Variants in EFEMP1 observed in about 807,000 individuals in gnomAD.
EFEMP1 encodes the protein EGF-like fibulin extracellular matrix protein 1, also known as EGF-containing fibulin-like extracellular matrix protein 1.
EFEMP1 carries 18 observed loss-of-function variants against 65.7 expected under a neutral mutation model. The observed-to-expected ratio is 0.27, with a 90% CI of 0.19 to 0.41. EFEMP1 has a LOEUF of 0.41. Among genes scored for constraint, EFEMP1 ranks in the 10% least tolerant of loss-of-function variants. The probability of loss-of-function intolerance (pLI) is 1.00; values close to 1 mark genes in which losing one functional copy is unlikely to be tolerated. For missense variants in EFEMP1, 469 were observed against 624.8 expected (o/e 0.75, Z 2.66); for synonymous variants, 237 against 219.7 (o/e 1.08, Z -0.70).
At position 55,918,200 on chromosome 2, in the gene EFEMP1, GT is replaced by G; in HGVS notation, c.130+18del. ...GACAGAAGGCAATGATCACATGGAA[GT>G]CTTTGAAGCTGGCTCACCTTTGCAT... On this transcript the variant is annotated intron_variant, in intron 4 of 11. Coordinates refer to ENST00000355426, the MANE Select transcript of EFEMP1 (RefSeq NM_001039348.3). 7 of 1,614,156 alleles carry G rather than the reference GT, an allele frequency of 4.3e-6. No homozygotes were observed. In the South Asian group the frequency reaches 5.5e-5, roughly 13 times the overall value.
rs188698134 is a variant in EFEMP1 at position 55,866,566 on chromosome 2, G to A, written c.*507C>T. 1.4e-3 allele frequency: 224 copies of A among 156,724 alleles called. No individual in the cohort carries two copies. The highest frequency in any genetic ancestry group is 4.9e-3 in the African/African-American group (204 of 41,570). The allele number at this position is 156,724 out of a possible 1,614,324, so 9.7% of individuals were successfully genotyped here. On this transcript the variant is annotated 3_prime_UTR_variant, in exon 12 of 12. Coordinates refer to ENST00000355426, the MANE Select transcript of EFEMP1 (RefSeq NM_001039348.3). ...TATAATAAACAACCACCTTTAGGCTGGATATGAAAATAAAAACCAACACAA... is the reference window on the plus strand; with the variant it reads ...TATAATAAACAACCACCTTTAGGCTAGATATGAAAATAAAAACCAACACAA...
At position 55,870,645 on chromosome 2, in the gene EFEMP1, C is replaced by T. The variant is rs1668769009; in HGVS notation, c.1320+75G>A. On this transcript the variant is annotated intron_variant, in intron 11 of 11. Transcript: ENST00000355426. The surrounding 1 kb of genome is among the most constrained non-coding windows in gnomAD (Gnocchi z 5.8). ...TTTCCTTCCACATGTGGATACCACA[C>T]AACAACAACAACAACAACAACAACA... The T allele has an allele frequency of 4.5e-6, 5 of 1,119,660 alleles. No individual in the cohort carries two copies. The East Asian group carries it at 1.9e-4, about 42-fold the overall frequency. 69.4% of individuals were successfully genotyped at this position (1,119,660 alleles called of 1,614,324 possible). A position where few individuals can be genotyped will look rare whatever the true frequency, so the allele number is the denominator to read the frequency against.
chr2:55,876,363 A>G (rs1015961157), intron 8 of EFEMP1, among the ~76,000 whole-genome samples: 1 of 152,140 alleles, frequency 6.6e-6, no homozygotes. Flanking sequence ...TGGATAACAC[A>G]CTGAGACGCA....
rs961636605 is a variant in EFEMP1 at position 55,870,379 on chromosome 2, C to T, written c.1320+341G>A. Among the ~76,000 whole-genome samples the T allele has an allele frequency of 4.6e-4, 43 of 93,278 alleles. 1 individual carries two copies. In the South Asian group the frequency reaches 4.8e-3, roughly 10 times the overall value. The allele number at this position is 93,278 out of a possible 152,430, so 61.2% of individuals were successfully genotyped here. A position where few individuals can be genotyped will look rare whatever the true frequency, so the allele number is the denominator to read the frequency against. On this transcript the variant is annotated intron_variant, in intron 11 of 11. Coordinates refer to ENST00000355426, the MANE Select transcript of EFEMP1 (RefSeq NM_001039348.3). This position sits in a 1 kb window ranked among gnomAD's most constrained non-coding sequence, Gnocchi z 5.8. ...GGGGTATGTTGGGTGGGGGCAGAGG[C>T]GGGGGGATGGGAGGCTTGTATTTTC... is the stretch of plus-strand genomic sequence containing the variant.
Position 55,867,299 on chromosome 2 carries a change from G to T in EFEMP1, c.1321-65C>A. 1 of 1,538,818 alleles carries T rather than the reference G, an allele frequency of 6.5e-7. No individual in the cohort carries two copies. Among genetic ancestry groups the T allele is most frequent in the Non-Finnish European group, 8.9e-7 (1 of 1,127,774 alleles). On this transcript the variant is annotated intron_variant, in intron 11 of 11. Coordinates refer to ENST00000355426, the MANE Select transcript of EFEMP1 (RefSeq NM_001039348.3). The surrounding 1 kb of genome is among the most constrained non-coding windows in gnomAD (Gnocchi z 4.3). ...TCTTGGATTGGAGTTTCTATGCTTT[G>T]TTAGTATACCTCCTATAAGAATTAG...
intron 8 of EFEMP1, among the ~76,000 whole-genome samples, 175 bp downstream of exon 8, chr2:55,876,448 T>C (rs527404449): frequency 6.6e-6 from 1 of 152,220 alleles, no homozygotes; most frequent in African/African-American, 2.4e-5. Context: ...TTTCTTTTCC[T>C]TTTTCTTGGT....
chr2:55,874,840 T>C (rs1385689512), intron 9 of EFEMP1, 106 bp downstream of exon 9: 4 of 1,258,350 alleles, frequency 3.2e-6, no homozygotes, highest in East Asian at 2.8e-5. Context: ...AAATTGTATA[T>C]TGAAAGTGGG....
At chr2:55,895,519 T>C (rs1669789894) in intron 5 of EFEMP1, among the ~76,000 whole-genome samples, 1 of 151,834 alleles carries the variant, frequency 6.6e-6, no homozygotes, top group Non-Finnish European at 1.5e-5. Context: ...AGGTGACCTT[T>C]AGGACAGCTG....
At chr2:55,878,505 A>T (rs1389880037) in intron 6 of EFEMP1, among the ~76,000 whole-genome samples, 1 of 152,164 alleles carries the variant, frequency 6.6e-6, no homozygotes, top group Non-Finnish European at 1.5e-5. Context: ...CTCAACTAAG[A>T]ACTTGCTAAG....
chr2:55,893,603 A>G (rs1342729211), intron 5 of EFEMP1, among the ~76,000 whole-genome samples: 1 of 152,180 alleles, frequency 6.6e-6, no homozygotes, highest in East Asian at 1.9e-4. Context: ...TACTGTGAGG[A>G]CAATTAAAAC....
intron 5 of EFEMP1, among the ~76,000 whole-genome samples, chr2:55,904,240 A>G (rs1201834225): frequency 6.6e-6 from 1 of 152,186 alleles, no homozygotes; most frequent in Non-Finnish European, 1.5e-5. Context: ...TCCAGGAAGT[A>G]CCATCAATAG....
At chr2:55,890,911 G>A (rs10865291) in intron 5 of EFEMP1, among the ~76,000 whole-genome samples, 56,564 of 151,810 alleles carry the variant, frequency 0.37, 11,112 homozygotes, top group East Asian at 0.77. Flanking sequence ...TCATCTTCAG[G>A]GTTATGAAAG....
At position 55,875,055 on chromosome 2, in the gene EFEMP1, T is replaced by C; in HGVS notation, c.891A>G (p.Glu297=). 6.2e-7 allele frequency: 1 copy of C among 1,601,560 alleles called. No homozygotes were observed. Among genetic ancestry groups the C allele is most frequent in the Non-Finnish European group, 8.5e-7 (1 of 1,172,664 alleles). Residue 297 remains glutamate (E), a synonymous_variant, in exon 9 of 12, where the codon GAA becomes GAG. Coordinates refer to ENST00000355426, the MANE Select transcript of EFEMP1 (RefSeq NM_001039348.3). ...GACACAGGTAGCTTGAGGTTCTGCA[T>C]TCATCAATGTCTGTTGAATTAGACA... ...SDRLNCEDID[E]CRTSSYLCQY...
At chr2:55,891,643 T>TAC (rs1196175075) in intron 5 of EFEMP1, among the ~76,000 whole-genome samples, 1 of 152,098 alleles carries the variant, frequency 6.6e-6, no homozygotes, top group Non-Finnish European at 1.5e-5. Flanking sequence ...CATGATGAAG[T>TAC]GTAGCAAGAA....
Position 55,922,424 on chromosome 2 carries a change from A to G in EFEMP1, c.17T>C (p.Phe6Ser). The change falls in exon 3 of 12, where the codon TTC becomes TCC. Residue 6 changes from phenylalanine (F) to serine (S), a missense_variant. By Grantham distance (155) the Phe-to-Ser change is radical. Coordinates refer to ENST00000355426, the MANE Select transcript of EFEMP1 (RefSeq NM_001039348.3). The surrounding 1 kb of genome is among the most constrained non-coding windows in gnomAD (Gnocchi z 5.5). ...CAGCGCCAGAGTCAGCATAGTTAGG[A>G]AAAGGGCTTTCAACATTGTGAATCT... MLKAL[F>S]LTMLTLALVK... 1.2e-6 allele frequency: 2 copies of G among 1,613,664 alleles called. No homozygotes were observed. Among genetic ancestry groups the G allele is most frequent in the East Asian group, 2.2e-5 (1 of 44,870 alleles).
chr2:55,881,065 T>A (rs762311581), intron 6 of EFEMP1, among the ~76,000 whole-genome samples: 2 of 152,222 alleles, frequency 1.3e-5, no homozygotes, highest in African/African-American at 4.8e-5. Context: ...GCAAACAGCT[T>A]TACTGCACAG....
Position 55,922,072 on chromosome 2 carries a change from G to T in EFEMP1, c.81+288C>A, listed in dbSNP as rs2104458080. The T allele has an allele frequency of 2.5e-6, 1 of 392,940 alleles. No individual in the cohort carries two copies. The highest frequency in any genetic ancestry group is 2.1e-5 in the African/African-American group (1 of 48,334). The allele number at this position is 392,940 out of a possible 1,614,324, so 24.3% of individuals were successfully genotyped here. On this transcript the variant is annotated intron_variant, in intron 3 of 11. Transcript: ENST00000355426. This position sits in a 1 kb window ranked among gnomAD's most constrained non-coding sequence, Gnocchi z 5.5. ...ACCCATTAATTTGTTGAATGTTTTG[G>T]AAACATGTAACTTTCTTTGGTTTTA...
Position 55,918,069 on chromosome 2 carries a change from A to C in EFEMP1, c.131-18T>G. 6.2e-7 allele frequency: 1 copy of C among 1,614,230 alleles called. No individual in the cohort carries two copies. The highest frequency in any genetic ancestry group is 8.5e-7 in the Non-Finnish European group (1 of 1,180,040). On this transcript the variant is annotated intron_variant, in intron 4 of 11. Transcript: ENST00000355426. The stretch of plus-strand genomic sequence containing the variant: ...ATCAATATCTGTGGTCAGTAATAAA[A>C]TAAGTCAGGAATCTTCTAAGAGGGA...
intron 11 of EFEMP1, among the ~76,000 whole-genome samples, chr2:55,869,268 A>C (rs1396850430): frequency 6.6e-6 from 1 of 152,176 alleles, no homozygotes; most frequent in East Asian, 1.9e-4. Flanking sequence ...TAAAAGTTCA[A>C]AATAGAAAAT....
Sources: allele counts gnomAD v4.1 joint callset (sites outside exome capture counted in the v4.1 genomes callset), GRCh38; gene constraint gnomAD v4.1.1; non-coding constraint Gnocchi (gnomAD v3.1); transcripts MANE v1.5; gene names NCBI Gene and HGNC (gene_info 2026-07-23, HGNC 2026-07-21).